Variants in PLEKHA5 observed in about 807,000 individuals in gnomAD.
PLEKHA5 encodes the protein pleckstrin homology domain containing A5.
A neutral mutation model predicts 181.9 loss-of-function variants in PLEKHA5; 55 were observed. The observed-to-expected ratio is 0.30, with a 90% CI of 0.24 to 0.38. The LOEUF is 0.38. Among genes scored for constraint, PLEKHA5 ranks in the 10% least tolerant of loss-of-function variants. PLEKHA5 has a pLI of 1.00. For missense variants in PLEKHA5, 1,432 were observed against 1,549.5 expected (o/e 0.92, Z 1.27); for synonymous variants, 535 against 529.4 (o/e 1.01, Z -0.15).
chr12:19,129,797 G>T lies in PLEKHA5; in HGVS notation c.-3G>T. The T allele has an allele frequency of 6.3e-7, 1 of 1,598,392 alleles. No homozygotes were observed. Among genetic ancestry groups the T allele is most frequent in the Non-Finnish European group, 8.5e-7 (1 of 1,173,146 alleles). On this transcript the variant is annotated 5_prime_UTR_variant, in exon 1 of 32. Transcript: ENST00000429027. ...AGGCGGCGGCGGCGGCTAGGGATCAGACATGGCGGCGGATCTGAACCTGGA... is the reference window on the plus strand; with the variant it reads ...AGGCGGCGGCGGCGGCTAGGGATCATACATGGCGGCGGATCTGAACCTGGA...
chr12:19,353,884 G>T lies in PLEKHA5; in HGVS notation c.3020G>T (p.Gly1007Val). The change falls in exon 26 of 32, where the codon GGT (glycine) becomes GTT (valine). Residue 1007 changes from glycine (G) to valine (V), a missense_variant and splice_region_variant. Gly to Val is a moderately radical substitution (Grantham distance 109). Coordinates refer to ENST00000429027, the MANE Select transcript of PLEKHA5 (RefSeq NM_001256470.2). ...AACTTACTGCTGTTTTAATTTTTAG[G>T]TTCCCACTTTCCTGTTGGAGTAGTC... is the stretch of plus-strand genomic sequence containing the variant. ...VSEIETSVVK[G>V]SHFPVGVVPP... 1 of 1,468,370 alleles carries T rather than the reference G, an allele frequency of 6.8e-7. No individual in the cohort carries two copies. Among genetic ancestry groups the T allele is most frequent in the Non-Finnish European group, 9.5e-7 (1 of 1,049,668 alleles). 91.0% of individuals were successfully genotyped at this position (1,468,370 alleles called of 1,614,324 possible).
chr12:19,156,282 T>C (rs1591838539), intron 3 of PLEKHA5, among the ~76,000 whole-genome samples: 2 of 150,590 alleles, frequency 1.3e-5, no homozygotes, highest in Middle Eastern at 3.4e-3. Context: ...CAAGAGGAAA[T>C]AATTAAAGAG....
At chr12:19,301,473 G>A (rs2638440) in intron 15 of PLEKHA5, among the ~76,000 whole-genome samples, 22,998 of 151,374 alleles carry the variant, frequency 0.15, 1,991 homozygotes, top group Middle Eastern at 0.28. Flanking sequence ...CATTAAACAA[G>A]GAAAATACAT....
chr12:19,317,923 T>A (rs1377179467), intron 16 of PLEKHA5, among the ~76,000 whole-genome samples: 1 of 139,866 alleles, frequency 7.1e-6, no homozygotes, highest in East Asian at 2.1e-4. Context: ...AACCAAACCT[T>A]TTTTTTTTTT....
intron 3 of PLEKHA5, among the ~76,000 whole-genome samples, chr12:19,172,844 T>G (rs2046226607): frequency 6.6e-6 from 1 of 152,000 alleles, no homozygotes; most frequent in African/African-American, 2.4e-5. Flanking sequence ...AACACTGTAT[T>G]TATTGCTCCA....
chr12:19,353,062 A>G (rs1219536166), intron 25 of PLEKHA5, among the ~76,000 whole-genome samples: 1 of 151,870 alleles, frequency 6.6e-6, no homozygotes, highest in African/African-American at 2.4e-5. Context: ...TGCTAGGATT[A>G]CAGGCATGAA....
At chr12:19,194,175 C>CTT (rs1311008819) in intron 3 of PLEKHA5, among the ~76,000 whole-genome samples, 1 of 152,194 alleles carries the variant, frequency 6.6e-6, no homozygotes, top group Non-Finnish European at 1.5e-5. Context: ...TTAGTTCCCA[C>CTT]TTATAAGTGA....
At position 19,320,613 on chromosome 12, in the gene PLEKHA5, G is replaced by A; in HGVS notation, c.2206G>A (p.Val736Ile). Residue 736 changes from valine (V) to isoleucine (I), a missense_variant, in exon 18 of 32, where the codon GTA (valine) becomes ATA (isoleucine). Coordinates refer to ENST00000429027, the MANE Select transcript of PLEKHA5 (RefSeq NM_001256470.2). ...ATTATACAAATACAGACCTGAAGAA[G>A]TAGATATTGATGTAAGTATTAGTAT... ...GTLYKYRPEE[V>I]DIDAKLSRLC... 1 of 1,448,634 alleles carries A rather than the reference G, an allele frequency of 6.9e-7. No individual in the cohort carries two copies. Among genetic ancestry groups the A allele is most frequent in the Non-Finnish European group, 9.6e-7 (1 of 1,038,250 alleles). 89.7% of individuals were successfully genotyped at this position (1,448,634 alleles called of 1,614,324 possible). A position where few individuals can be genotyped will look rare whatever the true frequency, so the allele number is the denominator to read the frequency against.
intron 15 of PLEKHA5, among the ~76,000 whole-genome samples, chr12:19,312,521 T>C (rs1159405992): frequency 6.6e-6 from 1 of 152,250 alleles, no homozygotes; most frequent in Non-Finnish European, 1.5e-5. Flanking sequence ...TGCACTTACA[T>C]GTTATGGAGA....
At chr12:19,310,866 GA>G (rs542838556) in intron 15 of PLEKHA5, among the ~76,000 whole-genome samples, 2 of 151,748 alleles carry the variant, frequency 1.3e-5, no homozygotes, top group South Asian at 4.2e-4. Context: ...TTATGTCTAA[GA>G]AAAAAAATCC....
intron 22 of PLEKHA5, among the ~76,000 whole-genome samples, chr12:19,345,001 G>C (rs2094213154): frequency 6.6e-6 from 1 of 151,190 alleles, no homozygotes; most frequent in African/African-American, 2.4e-5. Flanking sequence ...ACGCACCTGT[G>C]GTCCCAGCTA....
intron 24 of PLEKHA5, 80 bp from the exon 25 acceptor site, chr12:19,348,319 T>A: frequency 9.5e-7 from 1 of 1,052,116 alleles, no homozygotes; most frequent in Non-Finnish European, 1.4e-6. Context: ...GTTTAGAGTT[T>A]GATTTGTGTC....
intron 3 of PLEKHA5, among the ~76,000 whole-genome samples, chr12:19,176,134 G>C (rs906250221): frequency 6.6e-6 from 1 of 151,834 alleles, no homozygotes; most frequent in African/African-American, 2.4e-5. Context: ...GAGATAACAA[G>C]ATACAATGTT....
At chr12:19,299,144 A>G (rs796174792) in intron 15 of PLEKHA5, among the ~76,000 whole-genome samples, 4 of 152,260 alleles carry the variant, frequency 2.6e-5, no homozygotes, top group African/African-American at 9.6e-5. Context: ...ATTAAGTCAG[A>G]CAAGTGCCTG....
chr12:19,240,266 A>G (rs2062246447), intron 3 of PLEKHA5, among the ~76,000 whole-genome samples: 1 of 152,136 alleles, frequency 6.6e-6, no homozygotes, highest in Non-Finnish European at 1.5e-5. Flanking sequence ...TTGTGTGGCA[A>G]TTTATGTATA....
At chr12:19,286,391 C>T (rs555973620) in intron 12 of PLEKHA5, among the ~76,000 whole-genome samples, 2 of 152,226 alleles carry the variant, frequency 1.3e-5, no homozygotes, top group Admixed American at 6.5e-5. Flanking sequence ...AGCTATAGCG[C>T]AGTGTCAAAG....
chr12:19,159,611 AAT>A (rs1170219278), intron 3 of PLEKHA5, among the ~76,000 whole-genome samples: 1 of 152,180 alleles, frequency 6.6e-6, no homozygotes, highest in Non-Finnish European at 1.5e-5. Context: ...GTTCCAAAAT[AAT>A]ATTACTTTCA....
chr12:19,337,022 T>C (rs924644113), intron 21 of PLEKHA5, among the ~76,000 whole-genome samples: 4 of 147,052 alleles, frequency 2.7e-5, no homozygotes, highest in African/African-American at 1.0e-4. Context: ...AGTTTTGCTC[T>C]TGTTGCCCAG....
intron 26 of PLEKHA5, among the ~76,000 whole-genome samples, chr12:19,356,662 C>CTTTTTT (rs57809332): frequency 1.3e-4 from 13 of 99,814 alleles, no homozygotes; most frequent in Admixed American, 2.8e-4. Flanking sequence ...AGTTGTTTTT[C>CTTTTTT]TTTTTTTTTT....
Sources: gnomAD v4.1 joint callset for allele counts (sites outside exome capture counted in the v4.1 genomes callset) on GRCh38, gnomAD v4.1.1 for gene constraint, MANE v1.5 for transcripts, NCBI Gene and HGNC (gene_info 2026-07-23, HGNC 2026-07-21) for gene names.